Variants in B3GALT5 observed in about 807,000 individuals in gnomAD.
B3GALT5 encodes the protein UDP-Gal:betaGlcNAc beta 1,3-galactosyltransferase, polypeptide 5.
For synonymous variants in B3GALT5, 156 were observed against 158.6 expected, an observed-to-expected ratio of 0.98 and a Z score of 0.12; for missense variants, 328 against 396.6, an observed-to-expected ratio of 0.83 and a Z score of 1.47.
chr21:39,619,901 G>A (rs1186457834), intron 1 of B3GALT5, among the ~76,000 whole-genome samples: 2 of 152,120 alleles, frequency 1.3e-5, no homozygotes, highest in Non-Finnish European at 2.9e-5. Context: ...TCTGCCTCCC[G>A]GGTTCAAGCA....
intron 2 of B3GALT5, among the ~76,000 whole-genome samples, chr21:39,656,002 T>TGG (rs2079440306): frequency 6.6e-6 from 1 of 152,202 alleles, no homozygotes; most frequent in East Asian, 1.9e-4. Context: ...TGCCTGTTAC[T>TGG]GGTCGGGTCT....
At chr21:39,636,272 C>G (rs1221414828) in intron 1 of B3GALT5, among the ~76,000 whole-genome samples, 1 of 152,148 alleles carries the variant, frequency 6.6e-6, no homozygotes, top group South Asian at 2.1e-4. Flanking sequence ...CTAACTTCCT[C>G]AAGAAATTAA....
intron 2 of B3GALT5, among the ~76,000 whole-genome samples, chr21:39,647,964 G>A (rs1013443352): frequency 2.0e-5 from 3 of 152,154 alleles, no homozygotes; most frequent in African/African-American, 7.2e-5. Flanking sequence ...CAGAATAATT[G>A]GCAGCCCTAT....
At chr21:39,655,793 G>A (rs949049580) in intron 2 of B3GALT5, among the ~76,000 whole-genome samples, 1 of 152,138 alleles carries the variant, frequency 6.6e-6, no homozygotes, top group Non-Finnish European at 1.5e-5. Context: ...GGTCAGCTGC[G>A]GGGAGGCTCC....
chr21:39,646,180 C>T (rs2079337641), intron 1 of B3GALT5, among the ~76,000 whole-genome samples: 1 of 152,012 alleles, frequency 6.6e-6, no homozygotes, highest in African/African-American at 2.4e-5. Flanking sequence ...AGCTGGTGCC[C>T]CGGACTACTG....
At chr21:39,640,691 A>G (rs1222626624) in intron 1 of B3GALT5, among the ~76,000 whole-genome samples, 2 of 146,164 alleles carry the variant, frequency 1.4e-5, no homozygotes, top group African/African-American at 2.5e-5. Context: ...AATCCATTCT[A>G]TTTTTTTTTT....
Position 39,660,575 on chromosome 21 carries a change from A to G in B3GALT5, c.16A>G (p.Met6Val). Residue 6 changes from methionine (M) to valine (V), a missense_variant, in exon 4 of 4, where the codon ATG becomes GTG. Transcript: ENST00000684187. ...TTCCTTTCAGATGGCTTTCCCGAAG[A>G]TGAGATTGATGTATATTTGCCTTCT... is the stretch of plus-strand genomic sequence containing the variant. MAFPK[M>V]RLMYICLLVL... 1 of 1,418,516 alleles carries G rather than the reference A, an allele frequency of 7.0e-7. No homozygotes were observed. Among genetic ancestry groups the G allele is most frequent in the Non-Finnish European group, 9.2e-7 (1 of 1,082,454 alleles). The allele number at this position is 1,418,516 out of a possible 1,614,324, so 87.9% of individuals were successfully genotyped here.
At chr21:39,618,233 A>G (rs2079117164) in intron 1 of B3GALT5, among the ~76,000 whole-genome samples, 1 of 152,132 alleles carries the variant, frequency 6.6e-6, no homozygotes, top group South Asian at 2.1e-4. Flanking sequence ...GATGATTTTC[A>G]TTTTTCATAT....
At chr21:39,626,207 T>C (rs1569207708) in intron 1 of B3GALT5, among the ~76,000 whole-genome samples, 1 of 152,234 alleles carries the variant, frequency 6.6e-6, no homozygotes, top group Non-Finnish European at 1.5e-5. Flanking sequence ...TGGTTTATTT[T>C]ATGTAGCATG....
chr21:39,618,708 A>G (rs1190708102), intron 1 of B3GALT5, among the ~76,000 whole-genome samples: 1 of 152,200 alleles, frequency 6.6e-6, no homozygotes, highest in Admixed American at 6.5e-5. Context: ...AGTAATATAC[A>G]TTGCAAATAT....
chr21:39,613,563 T>C (rs2079091875), intron 1 of B3GALT5, among the ~76,000 whole-genome samples: 2 of 152,206 alleles, frequency 1.3e-5, no homozygotes, highest in African/African-American at 4.8e-5. Context: ...GTTTTGACTT[T>C]GGGAGGACCA....
intron 1 of B3GALT5, among the ~76,000 whole-genome samples, chr21:39,621,724 A>T (rs1468088678): frequency 6.6e-6 from 1 of 152,088 alleles, no homozygotes; most frequent in African/African-American, 2.4e-5. Flanking sequence ...TTTTCTTATG[A>T]TTTAACATTT....
chr21:39,624,952 A>G (rs926670688), intron 1 of B3GALT5, among the ~76,000 whole-genome samples: 6 of 151,948 alleles, frequency 3.9e-5, no homozygotes, highest in Admixed American at 3.9e-4. Context: ...GGAGAAGATC[A>G]TTTGCAGGAA....
chr21:39,634,356 C>T (rs1417948813), intron 1 of B3GALT5, among the ~76,000 whole-genome samples: 11 of 152,092 alleles, frequency 7.2e-5, no homozygotes, highest in South Asian at 2.1e-4. Flanking sequence ...TCCCATGTCC[C>T]GATCCGACTT....
Position 39,670,315 on chromosome 21 carries a change from G to A in B3GALT5, c.*8823G>A, listed in dbSNP as rs1026276388. 3 of 152,156 alleles carry A rather than the reference G, an allele frequency of 2.0e-5. No homozygotes were observed. Among genetic ancestry groups the A allele is most frequent in the African/African-American group, 7.2e-5 (3 of 41,412 alleles). 9.4% of individuals were successfully genotyped at this position (152,156 alleles called of 1,614,324 possible). On this transcript the variant is annotated 3_prime_UTR_variant, in exon 4 of 4. Coordinates refer to ENST00000684187, the MANE Select transcript of B3GALT5 (RefSeq NM_001356336.2). ...ACCATGCTCAGTGGAAGCTGGTTCT[G>A]AACAATGTTAACTGCCCCACCCGTG...
At chr21:39,629,241 C>T (rs1189443044) in intron 1 of B3GALT5, among the ~76,000 whole-genome samples, 1 of 152,230 alleles carries the variant, frequency 6.6e-6, no homozygotes, top group Non-Finnish European at 1.5e-5. Flanking sequence ...TCTCGAACTC[C>T]TGATCTTAAG....
In B3GALT5 at chr21:39,639,288, C is replaced by CTCGCTCTT. The variant is rs2079254599; in HGVS notation, c.-391-7102_-391-7101insGCTCTTTC. ...CTTGCAAGCAGCTTCAGGCATCTGG[C>CTCGCTCTT]TCTTTCTTTCTTTCTTTCTTTCTTT... On this transcript the variant is annotated intron_variant, in intron 1 of 3. Coordinates refer to ENST00000684187, the MANE Select transcript of B3GALT5 (RefSeq NM_001356336.2). 1.7e-4 allele frequency among the ~76,000 whole-genome samples: 17 copies of CTCGCTCTT among 98,528 alleles called. No homozygotes were observed. The East Asian group carries it at 2.1e-3, about 12-fold the overall frequency. 64.6% of individuals were successfully genotyped at this position (98,528 alleles called of 152,430 possible). A position where few individuals can be genotyped will look rare whatever the true frequency, so the allele number is the denominator to read the frequency against.
At chr21:39,614,173 G>T (rs1000305088) in intron 1 of B3GALT5, among the ~76,000 whole-genome samples, 3 of 152,144 alleles carry the variant, frequency 2.0e-5, no homozygotes, top group Admixed American at 6.5e-5. Context: ...ACCTTTTGTG[G>T]TGTTTCCTCT....
intron 2 of B3GALT5, among the ~76,000 whole-genome samples, chr21:39,655,220 G>C (rs1279605289): frequency 2.0e-5 from 3 of 152,222 alleles, no homozygotes; most frequent in African/African-American, 7.2e-5. Context: ...CAAGTCCGAA[G>C]GCAGGAAAAG....
Sources: gnomAD v4.1 joint callset for allele counts (sites outside exome capture counted in the v4.1 genomes callset) on GRCh38, gnomAD v4.1.1 for gene constraint, MANE v1.5 for transcripts, NCBI Gene and HGNC (gene_info 2026-07-23, HGNC 2026-07-21) for gene names.